Variants in PVALEF observed in about 807,000 individuals in gnomAD.
PVALEF encodes the protein parvalbumin-like EF-hand-containing protein.
Under a neutral mutation model 1.2 loss-of-function variants are expected in PVALEF, and 2 were observed. The ratio of observed to expected loss-of-function variants is 1.68; its 90% CI spans 0.69 to 5.28. PVALEF has a LOEUF of 5.28. Ranked by LOEUF, PVALEF falls within the 30% of genes most tolerant of loss-of-function variation. PVALEF has a pLI of 0.06. For synonymous variants in PVALEF, 16 were observed against 6.5 expected (o/e 2.47, Z -2.24); for missense variants, 35 against 17.7 (o/e 1.97, Z -1.75).
At chr17:81,166,230 G>A (rs1359667802) in intron 1 of PVALEF, among the ~76,000 whole-genome samples, 2 of 137,736 alleles carry the variant, frequency 1.5e-5, no homozygotes, top group African/African-American at 5.3e-5. Flanking sequence ...CCGAAAACGC[G>A]GGCGGGAGCG....
chr17:81,179,801 G>A (rs556379230), intron 3 of PVALEF, among the ~76,000 whole-genome samples: 1 of 152,212 alleles, frequency 6.6e-6, no homozygotes, highest in Non-Finnish European at 1.5e-5. Flanking sequence ...CATCCCAGAT[G>A]TAGCAATGCT....
At chr17:81,178,846 C>T (rs2061543996) in intron 2 of PVALEF, 72 bp from the exon 3 acceptor site, 1 of 230,512 alleles carries the variant, frequency 4.3e-6, no homozygotes, top group South Asian at 4.2e-5. Context: ...CAGCTGCTGT[C>T]TGCCCAGCTG....
chr17:81,176,881 T>A (rs2061537384), intron 2 of PVALEF, among the ~76,000 whole-genome samples: 2 of 151,056 alleles, frequency 1.3e-5, no homozygotes, highest in African/African-American at 2.4e-5. Flanking sequence ...AACAGGCAAG[T>A]GAATACTCAA....
chr17:81,181,743 C>T (rs2146451979), intron 5 of PVALEF, 49 bp downstream of exon 5: 2 of 399,046 alleles, frequency 5.0e-6, no homozygotes, highest in Non-Finnish European at 4.4e-6. Context: ...ACCCAGACCA[C>T]GCCGAATGCC....
At chr17:81,173,704 T>C (rs781760707) in intron 2 of PVALEF, among the ~76,000 whole-genome samples, 4 of 152,226 alleles carry the variant, frequency 2.6e-5, no homozygotes, top group Non-Finnish European at 4.4e-5. Context: ...CAGGACCTGA[T>C]AGTTTCACTG....
chr17:81,174,416 G>A (rs745873371), intron 2 of PVALEF, among the ~76,000 whole-genome samples: 1 of 150,670 alleles, frequency 6.6e-6, no homozygotes, highest in African/African-American at 2.4e-5. Context: ...ATCACCTGAG[G>A]TCAGGAGTTT....
At chr17:81,176,358 A>C (rs966960511) in intron 2 of PVALEF, among the ~76,000 whole-genome samples, 1 of 152,098 alleles carries the variant, frequency 6.6e-6, no homozygotes, top group Non-Finnish European at 1.5e-5. Context: ...GTCTCCACTA[A>C]AAATACAAAA....
At chr17:81,170,589 T>A (rs1244357258) in intron 2 of PVALEF, among the ~76,000 whole-genome samples, 2 of 152,070 alleles carry the variant, frequency 1.3e-5, no homozygotes, top group Non-Finnish European at 2.9e-5. Flanking sequence ...GGAGGCAAAG[T>A]GGGGAACATG....
At chr17:81,167,076 T>G (rs115295368) in intron 2 of PVALEF, among the ~76,000 whole-genome samples, 4,124 of 151,724 alleles carry the variant, frequency 0.027, 203 homozygotes, top group African/African-American at 0.094. Flanking sequence ...GCGGGTGGCT[T>G]GTGCTCAGGG....
intron 2 of PVALEF, among the ~76,000 whole-genome samples, chr17:81,175,690 A>C (rs1230485915): frequency 1.3e-5 from 2 of 152,232 alleles, no homozygotes; most frequent in African/African-American, 4.8e-5. Flanking sequence ...ATGGGGAAAA[A>C]ACAGTCTTTC....
At chr17:81,169,540 G>A (rs2061510930) in intron 2 of PVALEF, among the ~76,000 whole-genome samples, 1 of 152,232 alleles carries the variant, frequency 6.6e-6, no homozygotes, top group Non-Finnish European at 1.5e-5. Flanking sequence ...GGAACTTGCA[G>A]TGAGCCGAGA....
intron 3 of PVALEF, among the ~76,000 whole-genome samples, chr17:81,179,686 C>T (rs568998549): frequency 6.6e-6 from 1 of 152,294 alleles, no homozygotes; most frequent in South Asian, 2.1e-4. Context: ...CGAGAGGCCT[C>T]TCTCATCTCA....
At chr17:81,175,004 A>C (rs577394220) in intron 2 of PVALEF, among the ~76,000 whole-genome samples, 5 of 152,350 alleles carry the variant, frequency 3.3e-5, no homozygotes, top group Admixed American at 6.5e-5. Context: ...ATATGTAAAG[A>C]ATCTTAAATA....
chr17:81,170,796 A>AC (rs1045110946), intron 2 of PVALEF, among the ~76,000 whole-genome samples: 9 of 151,746 alleles, frequency 5.9e-5, no homozygotes, highest in East Asian at 1.9e-4. Flanking sequence ...TGCAGTGGGC[A>AC]CCCCCCCATT....
In PVALEF at chr17:81,183,041, G is replaced by T. The variant is rs776750540; in HGVS notation, c.*30G>T. 2.5e-5 allele frequency: 10 copies of T among 398,564 alleles called. No individual in the cohort carries two copies. The highest frequency in any genetic ancestry group is 4.4e-5 in the Non-Finnish European group (10 of 226,092). The allele number at this position is 398,564 out of a possible 1,614,324, so 24.7% of individuals were successfully genotyped here. On this transcript the variant is annotated 3_prime_UTR_variant, in exon 7 of 7. Transcript: ENST00000637878. ...ATGACTAGCCCTGGCCAGCCAAGGGGCTCCCATGGGGTAACCGGGGTGACC... is the reference window on the plus strand; with the variant it reads ...ATGACTAGCCCTGGCCAGCCAAGGGTCTCCCATGGGGTAACCGGGGTGACC...
intron 3 of PVALEF, among the ~76,000 whole-genome samples, chr17:81,179,642 A>C (rs2061546961): frequency 6.6e-6 from 1 of 152,150 alleles, no homozygotes; most frequent in African/African-American, 2.4e-5. Context: ...CCCCTGACCC[A>C]GAGGGACCCC....
intron 2 of PVALEF, among the ~76,000 whole-genome samples, chr17:81,169,328 A>AGT (rs2061509948): frequency 6.6e-6 from 1 of 152,048 alleles, no homozygotes; most frequent in African/African-American, 2.4e-5. Flanking sequence ...GGCCGGGCGC[A>AGT]GTGGCTCACG....
chr17:81,182,710 G>A (rs748782621), intron 6 of PVALEF, among the ~76,000 whole-genome samples: 2 of 152,234 alleles, frequency 1.3e-5, no homozygotes, highest in African/African-American at 2.4e-5. Flanking sequence ...CCAGGCCACT[G>A]CAAGCCCCCA....
rs747824832 is a variant in PVALEF at position 81,179,171 on chromosome 17, G to T, written c.-105+19G>T. On this transcript the variant is annotated intron_variant, in intron 3 of 6. Coordinates refer to ENST00000637878, the MANE Select transcript of PVALEF (RefSeq NM_001354639.2). The stretch of plus-strand genomic sequence containing the variant: ...GGCAGAGGTAAGCCCTGCCAAGGAG[G>T]GGGGTGTGGGTCTCTGGCCGCTGAG... 5 of 327,482 alleles carry T rather than the reference G, an allele frequency of 1.5e-5. No individual in the cohort carries two copies. Among genetic ancestry groups the T allele is most frequent in the Admixed American group, 7.5e-5 (2 of 26,734 alleles). 20.3% of individuals were successfully genotyped at this position (327,482 alleles called of 1,614,324 possible).
Sources: gnomAD v4.1 joint callset for allele counts (sites outside exome capture counted in the v4.1 genomes callset) on GRCh38, gnomAD v4.1.1 for gene constraint, MANE v1.5 for transcripts, NCBI Gene and HGNC (gene_info 2026-07-23, HGNC 2026-07-21) for gene names.